SMAD2: variants seen among roughly 807,000 people sequenced by gnomAD.
The protein encoded by SMAD2 is SMAD family member 2.
A neutral mutation model predicts 64.4 loss-of-function variants in SMAD2; 8 were observed. That is an observed-to-expected ratio of 0.12 (90% CI 0.07 to 0.22). SMAD2 has a LOEUF of 0.22. Ranked by LOEUF, SMAD2 falls within the 10% of genes least tolerant of loss-of-function variation. The probability of loss-of-function intolerance (pLI) is 1.00; values close to 1 mark genes in which losing one functional copy is unlikely to be tolerated. For missense variants in SMAD2, 289 were observed against 561.2 expected (o/e 0.51, Z 4.90); for synonymous variants, 203 against 195.8 (o/e 1.04, Z -0.31).
chr18:47,849,467 A>C (rs557212111), intron 7 of SMAD2, among the ~76,000 whole-genome samples: 2 of 126,946 alleles, frequency 1.6e-5, no homozygotes, highest in South Asian at 5.7e-4. Flanking sequence ...AAAAATAATA[A>C]TAGTAATACA....
intron 10 of SMAD2, among the ~76,000 whole-genome samples, chr18:47,843,908 ACT>A: frequency 6.6e-6 from 1 of 152,242 alleles, no homozygotes; most frequent in East Asian, 1.9e-4. Context: ...TCTGTAATTC[ACT>A]CTTACTTCCA....
rs2144300972 is a variant in SMAD2, at chr18:47,848,664, C to G, written c.808G>C (p.Glu270Gln). 6.2e-7 allele frequency: 1 copy of G among 1,613,030 alleles called. No homozygotes were observed. Among genetic ancestry groups the G allele is most frequent in the Non-Finnish European group, 8.5e-7 (1 of 1,179,400 alleles). Residue 270 changes from glutamate to glutamine, a missense_variant, in exon 8 of 11, where the codon GAA becomes CAA. Physicochemically the swap from Glu to Gln is conservative, Grantham distance 29. Around this residue, in one of 6 missense-constraint regions of SMAD2, gnomAD observed 119 missense variants for 156.7 expected, o/e 0.76. Coordinates refer to ENST00000262160, the MANE Select transcript of SMAD2 (RefSeq NM_005901.6). ...GCTATCGAACACCAAAATGCAGGTT[C>G]TGAGTAAGTAACTGGCTGTAAATCT... The part of the protein sequence containing the change: ...SLDLQPVTYS[E>Q]PAFWCSIAYY...
intron 6 of SMAD2, among the ~76,000 whole-genome samples, chr18:47,861,093 C>T (rs1240643344): frequency 2.0e-5 from 3 of 152,146 alleles, no homozygotes; most frequent in Admixed American, 2.0e-4. Flanking sequence ...CAGTGGCTCA[C>T]GGCTGTAATC....
chr18:47,879,494 ACGTG>A (rs1330774168), intron 2 of SMAD2, among the ~76,000 whole-genome samples: 3 of 54,528 alleles, frequency 5.5e-5, no homozygotes, highest in African/African-American at 2.1e-4. Context: ...AATGTATATG[ACGTG>A]TGTGTGTGTG....
Position 47,821,494 on chromosome 18 carries a change from A to C in SMAD2, c.*20333T>G, listed in dbSNP as rs534068862. 1 of 152,306 alleles carries C rather than the reference A, an allele frequency of 6.6e-6. No individual in the cohort carries two copies. Among genetic ancestry groups the C allele is most frequent in the African/African-American group, 2.4e-5 (1 of 41,578 alleles). 9.4% of individuals were successfully genotyped at this position (152,306 alleles called of 1,614,324 possible). ...TCCACGCAAGCAGGAAATTTCTCGT[A>C]ATTTTTCCAAGAGCCATGTATTCTG... is the stretch of plus-strand genomic sequence containing the variant. On this transcript the variant is annotated 3_prime_UTR_variant, in exon 11 of 11. Coordinates refer to ENST00000262160, the MANE Select transcript of SMAD2 (RefSeq NM_005901.6).
chr18:47,927,765 G>A (rs2034824455), intron 1 of SMAD2, among the ~76,000 whole-genome samples: 1 of 152,136 alleles, frequency 6.6e-6, no homozygotes, highest in African/African-American at 2.4e-5. Flanking sequence ...CAGGCATGGT[G>A]GCGCATGCCT....
chr18:47,850,761 AT>A (rs1278249926), intron 7 of SMAD2, among the ~76,000 whole-genome samples: 1 of 13,698 alleles, frequency 7.3e-5, no homozygotes, highest in Non-Finnish European at 1.3e-4. Context: ...TTATATATAT[AT>A]TATATACATT....
intron 1 of SMAD2, chr18:47,930,116 A>AG (rs2034939649): frequency 6.6e-6 from 1 of 152,434 alleles, no homozygotes; most frequent in South Asian, 2.1e-4. Context: ...GAGAGCAGCG[A>AG]GGGGAAGGGA....
chr18:47,901,129 T>G (rs8099127), intron 1 of SMAD2, among the ~76,000 whole-genome samples: 87,127 of 151,982 alleles, frequency 0.57, 25,357 homozygotes, highest in East Asian at 0.82. Flanking sequence ...TCCATTGTGA[T>G]GGCATATTTG....
chr18:47,901,927 G>A (rs890623238), intron 1 of SMAD2, among the ~76,000 whole-genome samples: 1 of 152,160 alleles, frequency 6.6e-6, no homozygotes, highest in Non-Finnish European at 1.5e-5. Flanking sequence ...AAAATCATCA[G>A]TGTGTATTCA....
chr18:47,896,482 G>T (rs2033443995), intron 2 of SMAD2, 39 bp downstream of exon 2: 2 of 1,602,994 alleles, frequency 1.2e-6, no homozygotes, highest in African/African-American at 2.7e-5. Context: ...CAGATTCCTT[G>T]ACATAATTTG....
chr18:47,850,954 TATTA>T (rs1408017945), intron 7 of SMAD2, among the ~76,000 whole-genome samples: 2 of 138,694 alleles, frequency 1.4e-5, no homozygotes, highest in Non-Finnish European at 3.0e-5. Flanking sequence ...ACATACCTTT[TATTA>T]ATTACATCAT....
chr18:47,925,305 T>C (rs547482867), intron 1 of SMAD2, among the ~76,000 whole-genome samples: 1 of 152,360 alleles, frequency 6.6e-6, no homozygotes, highest in East Asian at 1.9e-4. Flanking sequence ...TCAGAATTTC[T>C]ATTTTCTTAA....
intron 2 of SMAD2, among the ~76,000 whole-genome samples, chr18:47,870,835 T>C (rs1289493366): frequency 6.6e-6 from 1 of 152,184 alleles, no homozygotes; most frequent in Non-Finnish European, 1.5e-5. Flanking sequence ...ATCATACCTA[T>C]AATGCCCTTA....
chr18:47,842,010 G>A (rs1252045385), intron 10 of SMAD2, 60 bp from the exon 11 acceptor site: 1 of 1,579,218 alleles, frequency 6.3e-7, no homozygotes, highest in Non-Finnish European at 8.7e-7. Flanking sequence ...AGGGAAAATG[G>A]CTATGTTTAG....
chr18:47,825,124 T>C lies in SMAD2; in HGVS notation c.*16703A>G, dbSNP rs1425728533. On this transcript the variant is annotated 3_prime_UTR_variant, in exon 11 of 11. Transcript: ENST00000262160. ...TTTACAGGAACGTGATAATCAAAAGTTGTTGTGGGACCATTCAAGATGAGC... is the reference window on the plus strand; with the variant it reads ...TTTACAGGAACGTGATAATCAAAAGCTGTTGTGGGACCATTCAAGATGAGC... The C allele has an allele frequency of 1.3e-5, 2 of 152,198 alleles. No homozygotes were observed. Among genetic ancestry groups the C allele is most frequent in the Non-Finnish European group, 2.9e-5 (2 of 68,030 alleles). 9.4% of individuals were successfully genotyped at this position (152,198 alleles called of 1,614,324 possible).
At chr18:47,864,361 A>T (rs2031405020) in intron 6 of SMAD2, among the ~76,000 whole-genome samples, 1 of 152,140 alleles carries the variant, frequency 6.6e-6, no homozygotes, top group Non-Finnish European at 1.5e-5. Flanking sequence ...ATCATAACCA[A>T]GAATGCATTA....
rs1913013234 is a variant in SMAD2, at chr18:47,831,937, T to TGAATCTGTC, written c.*9881_*9889dup. ...GGGCTTACTATTTTGATGAGAAGGG[T>TGAATCTGTC]GAATCTGTCAAAGGGTAAGCTGGAT... is the stretch of plus-strand genomic sequence containing the variant. On this transcript the variant is annotated 3_prime_UTR_variant, in exon 11 of 11. Transcript: ENST00000262160. 1.3e-5 allele frequency: 2 copies of TGAATCTGTC among 152,164 alleles called. No individual in the cohort carries two copies. The highest frequency in any genetic ancestry group is 1.3e-4 in the Admixed American group (2 of 15,290). The allele number at this position is 152,164 out of a possible 1,614,324, so 9.4% of individuals were successfully genotyped here.
At chr18:47,879,780 T>C (rs2032481573) in intron 2 of SMAD2, among the ~76,000 whole-genome samples, 1 of 152,172 alleles carries the variant, frequency 6.6e-6, no homozygotes, top group Non-Finnish European at 1.5e-5. Context: ...CAGAGTACGA[T>C]TTTACAGTCC....
Sources: gnomAD v4.1 joint callset for allele counts (sites outside exome capture counted in the v4.1 genomes callset) on GRCh38, gnomAD v4.1.1 for gene constraint, gnomAD v4.1.1 regional missense constraint, MANE v1.5 for transcripts, NCBI Gene and HGNC (gene_info 2026-07-23, HGNC 2026-07-21) for gene names.